The following SPATA7 variants were observed in gnomAD, a reference collection of about 807,000 sequenced individuals.
The protein encoded by SPATA7 is spermatogenesis associated 7.
In SPATA7, 43 loss-of-function variants were observed where a neutral mutation model predicts 51.8. The ratio of observed to expected loss-of-function variants is 0.83; its 90% CI spans 0.65 to 1.07. SPATA7 has a LOEUF of 1.07. Among genes scored for constraint, SPATA7 ranks in the 50% least tolerant of loss-of-function variants. The pLI is 0.00. For missense variants in SPATA7, 683 were observed against 701.3 expected (o/e 0.97, Z 0.30); for synonymous variants, 230 against 252.8 (o/e 0.91, Z 0.86).
intron 4 of SPATA7, among the ~76,000 whole-genome samples, chr14:88,465,321 G>T (rs2077349425): frequency 6.6e-6 from 1 of 152,068 alleles, no homozygotes; most frequent in African/African-American, 2.4e-5. Context: ...ACAAAAATTA[G>T]CCGGGCATAG....
intron 10 of SPATA7, 138 bp from the exon 11 acceptor site, chr14:88,437,405 T>A: frequency 1.6e-6 from 1 of 636,270 alleles, no homozygotes. Context: ...AGGAAAGGAT[T>A]AGTCTTCAGC....
intron 4 of SPATA7, among the ~76,000 whole-genome samples, chr14:88,463,247 G>C (rs571136215): frequency 1.6e-4 from 25 of 152,232 alleles, no homozygotes; most frequent in Admixed American, 4.6e-4. Flanking sequence ...GTAGGGGACA[G>C]TTTTGCCAAT....
At chr14:88,398,370 A>G (rs1023328141) in intron 4 of SPATA7, among the ~76,000 whole-genome samples, 9 of 151,532 alleles carry the variant, frequency 5.9e-5, no homozygotes, top group Admixed American at 3.3e-4. Context: ...TCAGTAAACT[A>G]TCACAAGACC....
At chr14:88,419,836 A>G (rs966066060) in intron 5 of SPATA7, among the ~76,000 whole-genome samples, 1 of 151,754 alleles carries the variant, frequency 6.6e-6, no homozygotes, top group South Asian at 2.1e-4. Context: ...ATATGTTTTT[A>G]TTTCTGGCTT....
Position 88,469,877 on chromosome 14 carries a change from T to C in SPATA7, c.*10T>C, listed in dbSNP as rs768554733. ...GATTCCAGATGATTAACATTAACTG[T>C]TCTTCAGAGGCTGAGAAAATCACTT... On this transcript the variant is annotated 3_prime_UTR_variant, in exon 5 of 5. Transcript: ENST00000556406. The surrounding 1 kb of genome is among the most constrained non-coding windows in gnomAD (Gnocchi z 4.3). 2.5e-6 allele frequency: 4 copies of C among 1,612,356 alleles called. No homozygotes were observed. In the Admixed American group the frequency reaches 6.7e-5, roughly 27 times the overall value.
At chr14:88,456,169 A>T (rs1395528701), downstream of SPATA7, among the ~76,000 whole-genome samples, 3 of 152,170 alleles carry the variant, frequency 2.0e-5, no homozygotes, top group African/African-American at 7.2e-5. Context: ...TATTATGAAT[A>T]GTGCTGCAAT....
intron 3 of SPATA7, among the ~76,000 whole-genome samples, chr14:88,393,792 T>G (rs144281874): frequency 6.6e-6 from 1 of 152,308 alleles, no homozygotes; most frequent in East Asian, 1.9e-4. Flanking sequence ...TGTTTACACA[T>G]CTATGGAAGT....
intron 4 of SPATA7, chr14:88,468,893 C>CA (rs2077408287): frequency 1.2e-6 from 2 of 1,613,712 alleles, no homozygotes; most frequent in Non-Finnish European, 1.7e-6. Flanking sequence ...CCAAAAAGGC[C>CA]AGGTGATCAT....
intron 4 of SPATA7, among the ~76,000 whole-genome samples, chr14:88,462,356 C>G (rs1009087944): frequency 6.6e-6 from 1 of 152,170 alleles, no homozygotes; most frequent in Admixed American, 6.5e-5. Context: ...GTCTCATCAA[C>G]CTACTAAAAA....
At position 88,401,317 on chromosome 14, in the gene SPATA7, C is replaced by T. The variant is rs567993590; in HGVS notation, c.238+5114C>T. Among the ~76,000 whole-genome samples, 369 of 152,216 alleles carry T rather than the reference C, an allele frequency of 2.4e-3. 5 individuals are homozygous for T. The highest frequency in any genetic ancestry group is 3.7e-4 in the Non-Finnish European group (25 of 68,010). On this transcript the variant is annotated intron_variant, in intron 4 of 11. Transcript: ENST00000393545. ...TCAGCATCCATTCATGATAAACTCTCTCAACAAAATAGGAATAGAAGGAAC... is the reference window on the plus strand; with the variant it reads ...TCAGCATCCATTCATGATAAACTCTTTCAACAAAATAGGAATAGAAGGAAC...
intron 1 of SPATA7, among the ~76,000 whole-genome samples, chr14:88,390,554 G>T (rs568439125): frequency 1.3e-5 from 2 of 152,126 alleles, no homozygotes; most frequent in African/African-American, 4.8e-5. Flanking sequence ...GACTTGGATC[G>T]CATAGCATTG....
At chr14:88,389,343 A>C (rs1450908444) in intron 1 of SPATA7, among the ~76,000 whole-genome samples, 1 of 151,770 alleles carries the variant, frequency 6.6e-6, no homozygotes, top group Admixed American at 6.6e-5. Context: ...AGCTGGGACT[A>C]CAGGCACACA....
intron 5 of SPATA7, among the ~76,000 whole-genome samples, chr14:88,420,040 G>A (rs545005310): frequency 1.5e-4 from 23 of 152,102 alleles, no homozygotes; most frequent in Non-Finnish European, 2.9e-4. Context: ...CAAAAGTGAA[G>A]GGATATTTTC....
intron 4 of SPATA7, among the ~76,000 whole-genome samples, chr14:88,404,300 A>G (rs1023418756): frequency 6.6e-6 from 1 of 152,244 alleles, no homozygotes; most frequent in Non-Finnish European, 1.5e-5. Context: ...GCCAAAAATC[A>G]GTATTGTTCA....
chr14:88,465,534 A>G (rs186545302), intron 4 of SPATA7, among the ~76,000 whole-genome samples: 78 of 151,470 alleles, frequency 5.1e-4, no homozygotes, highest in African/African-American at 1.6e-3. Context: ...TATTTCATCA[A>G]AAGACCCCAC....
At chr14:88,459,331 CT>C (rs1326935891), downstream of SPATA7, among the ~76,000 whole-genome samples, 1 of 152,172 alleles carries the variant, frequency 6.6e-6, no homozygotes, top group African/African-American at 2.4e-5. Flanking sequence ...GTGTTAAAGT[CT>C]CCCATTATTA....
At chr14:88,427,480 C>T (rs1404884282) in intron 6 of SPATA7, 150 bp from the exon 7 acceptor site, 1 of 595,492 alleles carries the variant, frequency 1.7e-6, no homozygotes, top group Admixed American at 3.0e-5. Flanking sequence ...GATATTTAAT[C>T]AAATAAAATC....
intron 1 of SPATA7, among the ~76,000 whole-genome samples, chr14:88,390,245 T>C (rs1426425843): frequency 6.6e-6 from 1 of 150,994 alleles, no homozygotes; most frequent in Non-Finnish European, 1.5e-5. Context: ...TGGTTTAAGC[T>C]AAAATGGGAA....
At position 88,437,526 on chromosome 14, in the gene SPATA7, T is replaced by A. The variant is rs2077120772; in HGVS notation, c.1161-17T>A. On this transcript the variant is annotated splice_polypyrimidine_tract_variant and intron_variant, in intron 10 of 11. Coordinates refer to ENST00000393545, the MANE Select transcript of SPATA7 (RefSeq NM_018418.5). The stretch of plus-strand genomic sequence containing the variant: ...TTCTGATTTTGAGACATTAACATTT[T>A]TGTTTATCATTTGTAGGTTTTTAGA... 1 of 1,584,630 alleles carries A rather than the reference T, an allele frequency of 6.3e-7. No homozygotes were observed. Among genetic ancestry groups the A allele is most frequent in the African/African-American group, 1.3e-5 (1 of 74,326 alleles).
Sources: gnomAD v4.1 joint callset for allele counts (sites outside exome capture counted in the v4.1 genomes callset) on GRCh38, gnomAD v4.1.1 for gene constraint, Gnocchi (gnomAD v3.1) non-coding constraint, MANE v1.5 for transcripts, NCBI Gene and HGNC (gene_info 2026-07-23, HGNC 2026-07-21) for gene names.